Variants in CATSPER2 observed in about 807,000 individuals in gnomAD.
The protein encoded by CATSPER2 is cation channel sperm-associated protein 2.
A neutral mutation model predicts 68.8 loss-of-function variants in CATSPER2; 56 were observed. The observed-to-expected ratio is 0.81, with a 90% CI of 0.66 to 1.02. CATSPER2 has a LOEUF of 1.02. CATSPER2 is among the 50% of genes least tolerant of loss of function. CATSPER2 has a pLI of 0.00. For synonymous variants in CATSPER2, 198 were observed against 229.9 expected (o/e 0.86, Z 1.26); for missense variants, 582 against 642.0 (o/e 0.91, Z 1.01).
Position 43,648,570 on chromosome 15 carries a change from T to C in CATSPER2, c.-3+59A>G, listed in dbSNP as rs904710340. The C allele has an allele frequency of 1.0e-4, 141 of 1,354,324 alleles. 2 individuals carry two copies. Among genetic ancestry groups the C allele is most frequent in the Non-Finnish European group, 1.2e-4 (129 of 1,047,006 alleles). The allele number at this position is 1,354,324 out of a possible 1,614,324, so 83.9% of individuals were successfully genotyped here. On this transcript the variant is annotated intron_variant, in intron 1 of 12. Transcript: ENST00000396879. ...TGGGTCCCGTCCCAAGTGTGTCCAC[T>C]CCAACACTCCTTCGGGGGCTAGCTC...
intron 4 of CATSPER2, among the ~76,000 whole-genome samples, chr15:43,643,499 A>G (rs1283853357): frequency 2.6e-5 from 4 of 151,150 alleles, no homozygotes; most frequent in African/African-American, 9.7e-5. Context: ...CACCATACCC[A>G]CTAATTCTTG....
At chr15:43,636,872 C>A (rs2470120) in intron 7 of CATSPER2, among the ~76,000 whole-genome samples, 1 of 149,998 alleles carries the variant, frequency 6.7e-6, no homozygotes, top group Non-Finnish European at 1.5e-5. Context: ...CTATCATCCA[C>A]GCTGGAGTTG....
rs1347521556 is a variant in CATSPER2, at chr15:43,632,352, A to T, written c.1408T>A (p.Trp470Arg). 12 of 1,613,686 alleles carry T rather than the reference A, an allele frequency of 7.4e-6. 1 individual carries two copies. The highest frequency in any genetic ancestry group is 1.0e-5 in the Non-Finnish European group (12 of 1,179,858). The change falls in exon 12 of 13, where the codon TGG (tryptophan) becomes AGG (arginine). Residue 470 changes from tryptophan (W) to arginine (R), a missense_variant. By Grantham distance (101) the Trp-to-Arg change is moderately radical. Coordinates refer to ENST00000396879, the MANE Select transcript of CATSPER2 (RefSeq NM_172095.4). ...RFSESIGRLD[W>R]ETLVHENLPG... is the part of the protein sequence containing the mutation. ...AGATTTTCGTGCACAAGAGTCTCCCAGTCCAAACGACCTGCAGGGAGGAAT... is the reference window on the plus strand; with the variant it reads ...AGATTTTCGTGCACAAGAGTCTCCCTGTCCAAACGACCTGCAGGGAGGAAT...
rs559731155 is a variant in CATSPER2 at position 43,635,105 on chromosome 15, C to T, written c.1178+255G>A. The T allele has an allele frequency of 7.3e-6, 4 of 545,886 alleles. No individual in the cohort carries two copies. The Admixed American group carries it at 9.5e-5, about 13-fold the overall frequency. 33.8% of individuals were successfully genotyped at this position (545,886 alleles called of 1,614,324 possible). A position where few individuals can be genotyped will look rare whatever the true frequency, so the allele number is the denominator to read the frequency against. ...GGACCCTTGCCATTGGATTTAGGAC[C>T]TACCTGGATAATCTAGGATGATCTC... On this transcript the variant is annotated intron_variant, in intron 10 of 12. Transcript: ENST00000396879.
At position 43,634,996 on chromosome 15, in the gene CATSPER2, G is replaced by T. The variant is rs558307633; in HGVS notation, c.1178+364C>A. The T allele has an allele frequency of 2.1e-5, 6 of 279,722 alleles. No homozygotes were observed. In the East Asian group the frequency reaches 4.7e-4, roughly 22 times the overall value. The allele number at this position is 279,722 out of a possible 1,614,324, so 17.3% of individuals were successfully genotyped here. The stretch of plus-strand genomic sequence containing the variant: ...CATTCCTCAGCTTCCCTTGGCTTGC[G>T]GTGGCATTAGCCCCAACCTCTATCT... On this transcript the variant is annotated intron_variant, in intron 10 of 12. Coordinates refer to ENST00000396879, the MANE Select transcript of CATSPER2 (RefSeq NM_172095.4).
chr15:43,642,186 G>A (rs1429777940), intron 4 of CATSPER2, among the ~76,000 whole-genome samples: 1 of 150,766 alleles, frequency 6.6e-6, no homozygotes, highest in South Asian at 2.1e-4. Flanking sequence ...TGCAACCTCC[G>A]CCTCCTGGGT....
intron 12 of CATSPER2, among the ~76,000 whole-genome samples, chr15:43,631,112 C>T (rs1192001279): frequency 2.6e-5 from 4 of 151,990 alleles, no homozygotes; most frequent in Admixed American, 6.6e-5. Context: ...GCCCACCACA[C>T]ACAAACACAC....
intron 6 of CATSPER2, 55 bp downstream of exon 6, chr15:43,639,588 A>G: frequency 1.2e-6 from 2 of 1,610,302 alleles, no homozygotes. Flanking sequence ...TTCTATGTTA[A>G]GCCCTCACAT....
At chr15:43,639,286 C>A (rs1232364713) in intron 6 of CATSPER2, 3 of 484,262 alleles carry the variant, frequency 6.2e-6, no homozygotes, top group African/African-American at 5.9e-5. Context: ...ACTCTGTCGC[C>A]TAGGCTAGAG....
chr15:43,635,131 A>C (rs1021889631), intron 10 of CATSPER2: 1 of 589,536 alleles, frequency 1.7e-6, no homozygotes, highest in Non-Finnish European at 3.1e-6. Context: ...GGATGATCTC[A>C]TCTCAAGATC....
At chr15:43,646,724 T>C (rs1203875597) in intron 4 of CATSPER2, among the ~76,000 whole-genome samples, 1 of 150,650 alleles carries the variant, frequency 6.6e-6, no homozygotes, top group East Asian at 1.9e-4. Context: ...TTTTCTTTTT[T>C]TTTTTTTTGA....
At chr15:43,645,121 T>G (rs1031172758) in intron 4 of CATSPER2, among the ~76,000 whole-genome samples, 1 of 151,928 alleles carries the variant, frequency 6.6e-6, no homozygotes, top group African/African-American at 2.4e-5. Flanking sequence ...TTCCGTTGCA[T>G]GATGGCTCAC....
rs2085896601 is a variant in CATSPER2, at chr15:43,632,725, T to C, written c.1388A>G (p.Glu463Gly). ...ATAGTTCTTCGGCTCACCAATAGATTCAGAAAATCTGGATTCAGAAGAGGA... is the reference window on the plus strand; with the variant it reads ...ATAGTTCTTCGGCTCACCAATAGATCCAGAAAATCTGGATTCAGAAGAGGA... ...YSSSSESRFSESIGRLDWETL... is the reference protein window; with the variant it reads ...YSSSSESRFSGSIGRLDWETL... The change falls in exon 11 of 13, where the codon GAA becomes GGA. Residue 463 changes from glutamate (E) to glycine (G), a missense_variant. By Grantham distance (98) the Glu-to-Gly change is moderately conservative. Around this residue, in one of 5 missense-constraint regions of CATSPER2, gnomAD observed 235 missense variants for 264.2 expected, o/e 0.89. Transcript: ENST00000396879. 1 of 1,613,356 alleles carries C rather than the reference T, an allele frequency of 6.2e-7. No homozygotes were observed. The highest frequency in any genetic ancestry group is 1.3e-5 in the African/African-American group (1 of 74,816).
chr15:43,635,967 C>T, intron 8 of CATSPER2, 74 bp downstream of exon 8: 1 of 1,233,326 alleles, frequency 8.1e-7, no homozygotes, highest in Non-Finnish European at 1.2e-6. Flanking sequence ...ACCCATAAGC[C>T]ACCAATCCCA....
chr15:43,641,284 T>C (rs2086069607), intron 4 of CATSPER2, among the ~76,000 whole-genome samples: 1 of 151,574 alleles, frequency 6.6e-6, no homozygotes, highest in Admixed American at 6.6e-5. Context: ...ACCCGGCTAA[T>C]TTTGTATTTT....
intron 7 of CATSPER2, 49 bp from the exon 8 acceptor site, chr15:43,636,268 C>T (rs1476174028): frequency 6.2e-7 from 1 of 1,601,676 alleles, no homozygotes; most frequent in African/African-American, 1.3e-5. Flanking sequence ...CTAAACCTTT[C>T]AAAAATGGTA....
intron 10 of CATSPER2, 150 bp downstream of exon 10, chr15:43,635,210 G>A (rs984421384): frequency 3.6e-5 from 28 of 778,068 alleles, no homozygotes; most frequent in Non-Finnish European, 6.0e-5. Flanking sequence ...CAAAGACATG[G>A]ACATATTATT....
chr15:43,631,678 T>C (rs2085874925), intron 12 of CATSPER2: 2 of 248,226 alleles, frequency 8.1e-6, no homozygotes, highest in Admixed American at 9.6e-5. Context: ...AGGCTGACAC[T>C]AGAAGGGGCA....
intron 10 of CATSPER2, 91 bp downstream of exon 10, chr15:43,635,269 G>A (rs1275591160): frequency 1.9e-5 from 22 of 1,161,706 alleles, no homozygotes; most frequent in Non-Finnish European, 1.8e-5. Context: ...TTAAATGAAT[G>A]AATTATCTCT....
Sources: allele counts gnomAD v4.1 joint callset (sites outside exome capture counted in the v4.1 genomes callset), GRCh38; gene constraint gnomAD v4.1.1; regional missense constraint gnomAD v4.1.1; transcripts MANE v1.5; gene names NCBI Gene and HGNC (gene_info 2026-07-23, HGNC 2026-07-21).